The following AKT3 variants were observed in gnomAD, a reference collection of about 807,000 sequenced individuals.
The protein encoded by AKT3 is AKT serine/threonine kinase 3, also known as RAC-gamma serine/threonine-protein kinase.
AKT3 carries 15 observed loss-of-function variants against 65.3 expected under a neutral mutation model. That is an observed-to-expected ratio of 0.23 (90% CI 0.15 to 0.35). The LOEUF (loss-of-function observed/expected upper bound fraction) is 0.35, where lower values mean the gene tolerates loss of function less well. Among genes scored for constraint, AKT3 ranks in the 10% least tolerant of loss-of-function variants. The pLI is 1.00. For missense variants in AKT3, 243 were observed against 576.5 expected (o/e 0.42, Z 5.92); for synonymous variants, 206 against 183.8 (o/e 1.12, Z -0.98).
In AKT3 at chr1:243,760,282, C is replaced by CTTTTTTTTTTTTT. The variant is rs58733457; in HGVS notation, c.47-64579_47-64567dup. 1.7e-4 allele frequency among the ~76,000 whole-genome samples: 14 copies of CTTTTTTTTTTTTT among 80,912 alleles called. 1 individual carries two copies. The highest frequency in any genetic ancestry group is 2.7e-4 in the African/African-American group (5 of 18,534). 53.1% of individuals were successfully genotyped at this position (80,912 alleles called of 152,430 possible). On this transcript the variant is annotated intron_variant, in intron 2 of 13. Coordinates refer to ENST00000673466, the MANE Select transcript of AKT3 (RefSeq NM_005465.7). ...TACAGGCATGTACCTCTATATCTGGCTTTTTTTTTTTTTTTTTTTTTTGTC... is the reference window on the plus strand; with the variant it reads ...TACAGGCATGTACCTCTATATCTGGCTTTTTTTTTTTTTTTTTTTTTTTTTTTTTTTTTTTGTC...
chr1:243,591,968 A>G (rs1292123061), intron 8 of AKT3, among the ~76,000 whole-genome samples: 2 of 152,214 alleles, frequency 1.3e-5, no homozygotes, highest in Non-Finnish European at 2.9e-5. Context: ...GTAACAAAAT[A>G]CTTACAGAAC....
intron 13 of AKT3, among the ~76,000 whole-genome samples, chr1:243,490,244 G>A (rs1332705689): frequency 6.6e-6 from 1 of 152,222 alleles, no homozygotes; most frequent in East Asian, 1.9e-4. Flanking sequence ...AGCACACCCA[G>A]GCGCCACGGA....
chr1:243,674,724 G>A (rs1037235462), intron 3 of AKT3, among the ~76,000 whole-genome samples: 3 of 152,140 alleles, frequency 2.0e-5, no homozygotes, highest in Non-Finnish European at 2.9e-5. Flanking sequence ...AATGCATTCT[G>A]GTCTAAACAA....
At chr1:243,696,725 T>C (rs1442790047) in intron 2 of AKT3, among the ~76,000 whole-genome samples, 3 of 152,130 alleles carry the variant, frequency 2.0e-5, no homozygotes, top group African/African-American at 7.2e-5. Context: ...AATACTGCCA[T>C]CACAAGTCTC....
At chr1:243,835,159 G>A (rs568060676) in intron 2 of AKT3, among the ~76,000 whole-genome samples, 10 of 152,130 alleles carry the variant, frequency 6.6e-5, no homozygotes, top group African/African-American at 1.7e-4. Flanking sequence ...ATACTATTCC[G>A]TCCATTATAG....
rs555905263 is a variant in AKT3, at chr1:243,724,477, A to C, written c.47-28761T>G. On this transcript the variant is annotated intron_variant, in intron 2 of 13. Coordinates refer to ENST00000673466, the MANE Select transcript of AKT3 (RefSeq NM_005465.7). Reference sequence around the variant, plus strand: ...AAAAGCATATTTTTTTCAAATGCAAAAGTAAGGAATTTTTTCCTACATTAT... The same window carrying C: ...AAAAGCATATTTTTTTCAAATGCAACAGTAAGGAATTTTTTCCTACATTAT... 5.3e-5 allele frequency among the ~76,000 whole-genome samples: 8 copies of C among 152,278 alleles called. No individual in the cohort carries two copies. The South Asian group carries it at 1.7e-3, about 32-fold the overall frequency.
At chr1:243,819,734 A>G (rs1173633304) in intron 2 of AKT3, among the ~76,000 whole-genome samples, 1 of 152,140 alleles carries the variant, frequency 6.6e-6, no homozygotes, top group Non-Finnish European at 1.5e-5. Context: ...CTTATATAGG[A>G]GCATTCCTGC....
At chr1:243,571,366 G>T (rs950649455) in intron 9 of AKT3, among the ~76,000 whole-genome samples, 32 of 152,254 alleles carry the variant, frequency 2.1e-4, no homozygotes, top group African/African-American at 7.5e-4. Context: ...GATGAGAAAT[G>T]ATTAAAGAAG....
At chr1:243,765,034 T>C (rs1689727451) in intron 2 of AKT3, among the ~76,000 whole-genome samples, 1 of 152,128 alleles carries the variant, frequency 6.6e-6, no homozygotes, top group African/African-American at 2.4e-5. Context: ...TGCATATTTA[T>C]TGATGTTAAA....
chr1:243,637,351 C>T (rs1459196084), intron 6 of AKT3, among the ~76,000 whole-genome samples: 2 of 151,996 alleles, frequency 1.3e-5, no homozygotes, highest in African/African-American at 4.8e-5. Flanking sequence ...GATCACAAAA[C>T]ATTCTCCCAA....
intron 12 of AKT3, among the ~76,000 whole-genome samples, chr1:243,523,417 G>T (rs912883813): frequency 6.6e-6 from 1 of 152,090 alleles, no homozygotes; most frequent in Non-Finnish European, 1.5e-5. Context: ...CTTCCTGTTA[G>T]CCTGGTAAAC....
chr1:243,742,563 T>G (rs961620846), intron 2 of AKT3, among the ~76,000 whole-genome samples: 1 of 152,164 alleles, frequency 6.6e-6, no homozygotes, highest in African/African-American at 2.4e-5. Flanking sequence ...AGGTGGAGGT[T>G]GCAGTGAGTC....
rs548627609 is a variant in AKT3, at chr1:243,578,917, C to T, written c.697-5869G>A. On this transcript the variant is annotated intron_variant, in intron 8 of 13. Transcript: ENST00000673466. ...AGAGCCAGATACATAAACTTTTCTACTAAAGTTACGGTAATTATTATAAAG... is the reference window on the plus strand; with the variant it reads ...AGAGCCAGATACATAAACTTTTCTATTAAAGTTACGGTAATTATTATAAAG... Among the ~76,000 whole-genome samples, 7 of 152,214 alleles carry T rather than the reference C, an allele frequency of 4.6e-5. No homozygotes were observed. In the South Asian group the frequency reaches 1.2e-3, roughly 27 times the overall value.
At chr1:243,721,309 G>C (rs1283892415) in intron 2 of AKT3, among the ~76,000 whole-genome samples, 1 of 152,144 alleles carries the variant, frequency 6.6e-6, no homozygotes, top group African/African-American at 2.4e-5. Context: ...TTACAAGAGA[G>C]AGGCCAAGAA....
chr1:243,769,529 C>T (rs1690043185), intron 2 of AKT3, among the ~76,000 whole-genome samples: 1 of 152,172 alleles, frequency 6.6e-6, no homozygotes, highest in Non-Finnish European at 1.5e-5. Context: ...TTAATTTGCA[C>T]TTCTCTGATG....
chr1:243,792,114 T>C (rs1691667386), intron 2 of AKT3, among the ~76,000 whole-genome samples: 1 of 151,830 alleles, frequency 6.6e-6, no homozygotes, highest in African/African-American at 2.4e-5. Flanking sequence ...TTAAAGCTGC[T>C]TCCTGTACTA....
At chr1:243,784,481 A>G (rs562941120) in intron 2 of AKT3, among the ~76,000 whole-genome samples, 133 of 152,304 alleles carry the variant, frequency 8.7e-4, no homozygotes, top group African/African-American at 3.1e-3. Context: ...CCTAAATTGA[A>G]TATTTATTCA....
At chr1:243,725,562 A>C (rs1488031217) in intron 2 of AKT3, among the ~76,000 whole-genome samples, 1 of 152,206 alleles carries the variant, frequency 6.6e-6, no homozygotes, top group African/African-American at 2.4e-5. Flanking sequence ...AACACTGCTC[A>C]CTGCATACGG....
intron 2 of AKT3, among the ~76,000 whole-genome samples, chr1:243,727,642 A>T (rs1687292702): frequency 6.6e-6 from 1 of 152,150 alleles, no homozygotes; most frequent in African/African-American, 2.4e-5. Flanking sequence ...TGAAATTGCA[A>T]AACTGAAAAC....
Sources: allele counts gnomAD v4.1 joint callset (sites outside exome capture counted in the v4.1 genomes callset), GRCh38; gene constraint gnomAD v4.1.1; transcripts MANE v1.5; gene names NCBI Gene and HGNC (gene_info 2026-07-23, HGNC 2026-07-21).